SHANK2: variants seen among roughly 807,000 people sequenced by gnomAD.
SHANK2 encodes the protein SH3 and multiple ankyrin repeat domains 2.
In SHANK2, 43 loss-of-function variants were observed where a neutral mutation model predicts 133.7. The observed-to-expected ratio is 0.32, with a 90% CI of 0.25 to 0.41. The LOEUF (loss-of-function observed/expected upper bound fraction) is 0.41. Among genes scored for constraint, SHANK2 ranks in the 10% least tolerant of loss-of-function variants. The pLI is 1.00. For missense variants in SHANK2, 1,994 were observed against 2,235.8 expected (o/e 0.89, Z 2.18); for synonymous variants, 1,017 against 952.8 (o/e 1.07, Z -1.24).
chr11:70,817,415 A>G (rs1427487774), intron 12 of SHANK2, among the ~76,000 whole-genome samples: 1 of 152,230 alleles, frequency 6.6e-6, no homozygotes, highest in Non-Finnish European at 1.5e-5. Flanking sequence ...CCAAGAAAGA[A>G]GGGACTGACG....
intron 14 of SHANK2, among the ~76,000 whole-genome samples, chr11:70,703,310 C>G (rs548097492): frequency 6.6e-6 from 1 of 152,348 alleles, no homozygotes; most frequent in Non-Finnish European, 1.5e-5. Context: ...TGTGGTGCAG[C>G]CTCCGGGGGT....
chr11:70,642,637 CCT>C (rs1284064343), intron 17 of SHANK2, among the ~76,000 whole-genome samples: 2 of 152,192 alleles, frequency 1.3e-5, no homozygotes, highest in Non-Finnish European at 2.9e-5. Flanking sequence ...CCATCCTTCC[CCT>C]GACACCTCCC....
intron 14 of SHANK2, among the ~76,000 whole-genome samples, chr11:70,746,185 G>C (rs1555036038): frequency 6.6e-6 from 1 of 152,254 alleles, no homozygotes; most frequent in African/African-American, 2.4e-5. Context: ...TCTGGGGGCA[G>C]AGCCCAGGGC....
chr11:70,582,512 T>C (rs1250822446), intron 17 of SHANK2, among the ~76,000 whole-genome samples: 2 of 152,158 alleles, frequency 1.3e-5, no homozygotes, highest in Non-Finnish European at 2.9e-5. Context: ...GCAGCAGATA[T>C]AAGCTCAGGT....
chr11:70,655,845 C>T lies in SHANK2; in HGVS notation c.2061+3983G>A, dbSNP rs574533979. On this transcript the variant is annotated intron_variant, in intron 17 of 25. Coordinates refer to ENST00000601538, the MANE Select transcript of SHANK2 (RefSeq NM_012309.5). ...CTGGGCCAGTGGGTCATCACCTTGC[C>T]TGCCTGTTGGGACCCCCGGCATCAC... Among the ~76,000 whole-genome samples the T allele has an allele frequency of 1.1e-4, 17 of 152,256 alleles. No homozygotes were observed. The East Asian group carries it at 3.3e-3, about 29-fold the overall frequency.
chr11:70,914,058 C>A (rs948420931), intron 10 of SHANK2, among the ~76,000 whole-genome samples: 2 of 152,146 alleles, frequency 1.3e-5, no homozygotes, highest in Non-Finnish European at 2.9e-5. Context: ...GAGAACAGGG[C>A]GGCGGTGGGG....
chr11:70,841,680 G>T (rs1948908266), intron 11 of SHANK2, among the ~76,000 whole-genome samples: 2 of 152,212 alleles, frequency 1.3e-5, no homozygotes, highest in African/African-American at 4.8e-5. Context: ...TTCTCCCTTA[G>T]GCACTAGAGC....
intron 9 of SHANK2, among the ~76,000 whole-genome samples, chr11:71,069,323 CACT>C (rs1434283674): frequency 6.6e-6 from 1 of 151,924 alleles, no homozygotes; most frequent in Non-Finnish European, 1.5e-5. Context: ...TATCAACCAC[CACT>C]ATCATCATCA....
chr11:70,889,780 C>G (rs1478985156), intron 11 of SHANK2, among the ~76,000 whole-genome samples: 2 of 152,120 alleles, frequency 1.3e-5, no homozygotes, highest in Non-Finnish European at 2.9e-5. Context: ...CAGTCAGGAC[C>G]AGGACCAGGA....
intron 17 of SHANK2, among the ~76,000 whole-genome samples, chr11:70,573,836 G>A (rs568372155): frequency 8.5e-5 from 13 of 152,328 alleles, no homozygotes; most frequent in East Asian, 1.9e-4. Context: ...TTCTCACACC[G>A]AAGACTTCAA....
chr11:70,858,550 A>G (rs1555067201), intron 11 of SHANK2, among the ~76,000 whole-genome samples: 1 of 152,258 alleles, frequency 6.6e-6, no homozygotes, highest in Non-Finnish European at 1.5e-5. Context: ...TCCCATGGAC[A>G]TGGCAGCAGC....
At chr11:70,616,511 G>C (rs1358251802) in intron 17 of SHANK2, among the ~76,000 whole-genome samples, 1 of 152,176 alleles carries the variant, frequency 6.6e-6, no homozygotes, top group East Asian at 1.9e-4. Context: ...CAACTCAGGA[G>C]GCTGAAAGTC....
At chr11:70,725,003 T>C (rs1320037006) in intron 14 of SHANK2, among the ~76,000 whole-genome samples, 1 of 152,190 alleles carries the variant, frequency 6.6e-6, no homozygotes, top group African/African-American at 2.4e-5. Context: ...AAACCAACAT[T>C]TGCTAAATGC....
At chr11:71,242,558 GC>G (rs1412389174) in intron 1 of SHANK2, among the ~76,000 whole-genome samples, 2 of 152,056 alleles carry the variant, frequency 1.3e-5, no homozygotes, top group African/African-American at 4.8e-5. Context: ...TAAAACAGCA[GC>G]CCCCCTGGCT....
intron 14 of SHANK2, among the ~76,000 whole-genome samples, chr11:70,782,803 C>T (rs1449508638): frequency 3.9e-5 from 6 of 152,174 alleles, no homozygotes; most frequent in African/African-American, 1.4e-4. Flanking sequence ...ATAAGGGAAC[C>T]GCAAATGGCA....
intron 2 of SHANK2, among the ~76,000 whole-genome samples, chr11:71,183,701 C>T (rs568047489): frequency 1.3e-5 from 2 of 152,188 alleles, no homozygotes; most frequent in Admixed American, 1.3e-4. Context: ...CCCAAGAAAC[C>T]CCAAAGACCA....
chr11:70,594,978 C>A (rs1554989098), intron 17 of SHANK2, among the ~76,000 whole-genome samples: 1 of 152,184 alleles, frequency 6.6e-6, no homozygotes, highest in Non-Finnish European at 1.5e-5. Flanking sequence ...AGAAGGGCTT[C>A]AGGGCCGGGA....
chr11:70,949,973 G>A (rs1950808971), intron 10 of SHANK2: 1 of 443,044 alleles, frequency 2.3e-6, no homozygotes, highest in Admixed American at 2.4e-5. Context: ...GAGCCGGTAG[G>A]TGCGGTGCCT....
intron 14 of SHANK2, among the ~76,000 whole-genome samples, chr11:70,751,105 T>C (rs1946741714): frequency 6.6e-6 from 1 of 152,142 alleles, no homozygotes; most frequent in Non-Finnish European, 1.5e-5. Flanking sequence ...AATAGTGACC[T>C]TGAAGACAGA....
Sources: gnomAD v4.1 joint callset for allele counts (sites outside exome capture counted in the v4.1 genomes callset) on GRCh38, gnomAD v4.1.1 for gene constraint, MANE v1.5 for transcripts, NCBI Gene and HGNC (gene_info 2026-07-23, HGNC 2026-07-21) for gene names.